The following NDUFS1 variants were observed in gnomAD, a reference collection of about 807,000 sequenced individuals.
NDUFS1 encodes NADH:ubiquinone oxidoreductase core subunit S1.
In NDUFS1, 61 loss-of-function variants were observed where a neutral mutation model predicts 84.4. That is an observed-to-expected ratio of 0.72 (90% CI 0.59 to 0.89). The LOEUF is 0.89. Ranked by LOEUF, NDUFS1 falls within the 40% of genes least tolerant of loss-of-function variation. The pLI, the probability that NDUFS1 is intolerant of heterozygous loss-of-function variation, is 0.00. For missense variants in NDUFS1, 891 were observed against 890.0 expected (o/e 1.00, Z -0.01); for synonymous variants, 275 against 290.0 (o/e 0.95, Z 0.53).
At chr2:206,127,347 C>G (rs1475488687) in intron 16 of NDUFS1, among the ~76,000 whole-genome samples, 1 of 152,118 alleles carries the variant, frequency 6.6e-6, no homozygotes, top group Non-Finnish European at 1.5e-5. Context: ...CCAGCCTGGC[C>G]AACATGGCGA....
intron 11 of NDUFS1, 83 bp from the exon 12 acceptor site, chr2:206,142,152 AC>A: frequency 8.0e-7 from 1 of 1,243,308 alleles, no homozygotes; most frequent in African/African-American, 1.5e-5. Context: ...CTATCATCAA[AC>A]CCATTGCCTT....
intron 8 of NDUFS1, among the ~76,000 whole-genome samples, chr2:206,146,268 T>C (rs1270465170): frequency 1.3e-5 from 2 of 152,160 alleles, no homozygotes; most frequent in Non-Finnish European, 2.9e-5. Context: ...ATTTAAAAAT[T>C]GAAGGGGATG....
In NDUFS1 at chr2:206,119,824, T is replaced by G. The variant is rs1691048579; in HGVS notation, c.*4361A>C. On this transcript the variant is annotated 3_prime_UTR_variant, in exon 19 of 19. Transcript: ENST00000233190. ...ATTTTTGGATATATATTCAACTTTT[T>G]TTTTTAAGAGTTGGGGGTCTTGTTA... 6.6e-6 allele frequency: 1 copy of G among 152,128 alleles called. No homozygotes were observed. The highest frequency in any genetic ancestry group is 2.4e-5 in the African/African-American group (1 of 41,390). The allele number at this position is 152,128 out of a possible 1,614,324, so 9.4% of individuals were successfully genotyped here.
At chr2:206,148,172 G>A (rs762276236) in intron 5 of NDUFS1, among the ~76,000 whole-genome samples, 7 of 151,994 alleles carry the variant, frequency 4.6e-5, no homozygotes, top group African/African-American at 7.2e-5. Flanking sequence ...TGATCCTCCC[G>A]CCCTGGCGTC....
chr2:206,123,879 A>C lies in NDUFS1; in HGVS notation c.*306T>G. 1 of 261,264 alleles carries C rather than the reference A, an allele frequency of 3.8e-6. No individual in the cohort carries two copies. The highest frequency in any genetic ancestry group is 7.4e-5 in the East Asian group (1 of 13,534). The allele number at this position is 261,264 out of a possible 1,614,324, so 16.2% of individuals were successfully genotyped here. A position where few individuals can be genotyped will look rare whatever the true frequency, so the allele number is the denominator to read the frequency against. The stretch of plus-strand genomic sequence containing the variant: ...TTTCATTTCATCCATTTTACAGACA[A>C]ATTATTTATGAAGATAAGCCAACAA... On this transcript the variant is annotated 3_prime_UTR_variant, in exon 19 of 19. Transcript: ENST00000233190.
At position 206,116,412 on chromosome 2, in the gene NDUFS1, G is replaced by A; in HGVS notation, c.*7773C>T. ...GACGGCGCCCATCCCAAGCTGCCAGGGCCTCGATAGGCAGGGCGCGGCAGG... is the reference window on the plus strand; with the variant it reads ...GACGGCGCCCATCCCAAGCTGCCAGAGCCTCGATAGGCAGGGCGCGGCAGG... On this transcript the variant is annotated 3_prime_UTR_variant, in exon 19 of 19. Coordinates refer to ENST00000233190, the MANE Select transcript of NDUFS1 (RefSeq NM_005006.7). The A allele has an allele frequency of 1.2e-6, 1 of 801,886 alleles. No homozygotes were observed. Among genetic ancestry groups the A allele is most frequent in the Non-Finnish European group, 2.1e-6 (1 of 475,320 alleles). The allele number at this position is 801,886 out of a possible 1,614,324, so 49.7% of individuals were successfully genotyped here. A position where few individuals can be genotyped will look rare whatever the true frequency, so the allele number is the denominator to read the frequency against.
At chr2:206,127,629 C>T in intron 16 of NDUFS1, 168 bp downstream of exon 16, 1 of 719,918 alleles carries the variant, frequency 1.4e-6, no homozygotes, top group Non-Finnish European at 2.3e-6. Context: ...TGAGAGCTCA[C>T]TGTAACCTTG....
At chr2:206,152,758 G>A (rs911535673) in intron 2 of NDUFS1, among the ~76,000 whole-genome samples, 2 of 146,602 alleles carry the variant, frequency 1.4e-5, no homozygotes, top group South Asian at 2.1e-4. Context: ...AGGCTGGAGT[G>A]CAGTGGCGCC....
chr2:206,128,329 CTAATTTTTT>C (rs1256753180), intron 15 of NDUFS1, among the ~76,000 whole-genome samples: 3 of 152,122 alleles, frequency 2.0e-5, no homozygotes, highest in Non-Finnish European at 4.4e-5. Flanking sequence ...CCACACTCAG[CTAATTTTTT>C]GTATTTTTAG....
At chr2:206,135,782 G>A (rs1240093306) in intron 13 of NDUFS1, among the ~76,000 whole-genome samples, 1 of 152,106 alleles carries the variant, frequency 6.6e-6, no homozygotes, top group African/African-American at 2.4e-5. Flanking sequence ...ACTTTTCACG[G>A]AATATTTTTT....
rs111318585 is a variant in NDUFS1 at position 206,115,999 on chromosome 2, T to C, written c.*8186A>G. ...AGCAGTGTTAACAGTAGTTTTTTTT[T>C]CCCATGGGTAATGCTAAAAGTTGCT... On this transcript the variant is annotated 3_prime_UTR_variant, in exon 19 of 19. Coordinates refer to ENST00000233190, the MANE Select transcript of NDUFS1 (RefSeq NM_005006.7). The C allele has an allele frequency of 2.0e-4, 150 of 735,092 alleles. No individual in the cohort carries two copies. The highest frequency in any genetic ancestry group is 2.0e-3 in the African/African-American group (113 of 57,926). The allele number at this position is 735,092 out of a possible 1,614,324, so 45.5% of individuals were successfully genotyped here.
In NDUFS1 at chr2:206,149,096, C is replaced by G. The variant is rs1342970029; in HGVS notation, c.262G>C (p.Val88Leu). ...CLVEIEKAPK[V>L]VAACAMPVMK... is the part of the protein sequence containing the mutation. ...ACTGGCATGGCACAAGCAGCTACAACCTGGGATTTCAATGAAAAAAAAAAA... is the reference window on the plus strand; with the variant it reads ...ACTGGCATGGCACAAGCAGCTACAAGCTGGGATTTCAATGAAAAAAAAAAA... Residue 88 changes from valine to leucine, a missense_variant and splice_region_variant, in exon 5 of 19, where the codon GTT becomes CTT. Val to Leu is a conservative substitution (Grantham distance 32, BLOSUM62 1). Transcript: ENST00000233190. The G allele has an allele frequency of 3.1e-6, 5 of 1,610,104 alleles. No homozygotes were observed. The highest frequency in any genetic ancestry group is 3.3e-5 in the Admixed American group (2 of 59,868).
chr2:206,159,205 G>C, intron 1 of NDUFS1, 136 bp downstream of exon 1: 1 of 1,495,902 alleles, frequency 6.7e-7, no homozygotes, highest in South Asian at 1.2e-5. Context: ...AGGGGCTTCC[G>C]AGGCGGCGGG....
intron 12 of NDUFS1, among the ~76,000 whole-genome samples, chr2:206,141,305 G>A (rs1691936916): frequency 6.6e-6 from 1 of 151,938 alleles, no homozygotes; most frequent in African/African-American, 2.4e-5. Flanking sequence ...AGCACTTTGG[G>A]AGGCTGAGGC....
In NDUFS1 at chr2:206,119,533, CTGAG is replaced by C. The variant is rs753906827; in HGVS notation, c.*4648_*4651del. On this transcript the variant is annotated 3_prime_UTR_variant, in exon 19 of 19. Coordinates refer to ENST00000233190, the MANE Select transcript of NDUFS1 (RefSeq NM_005006.7). ...TAAGTGATTCTCCTGCCTCAGCCTC[CTGAG>C]TGAGTAGCTGGGATTACAGGCATAT... 9 of 152,208 alleles carry C rather than the reference CTGAG, an allele frequency of 5.9e-5. No individual in the cohort carries two copies. The highest frequency in any genetic ancestry group is 3.4e-3 in the Middle Eastern group (1 of 294). The allele number at this position is 152,208 out of a possible 1,614,324, so 9.4% of individuals were successfully genotyped here.
rs1021040642 is a variant in NDUFS1, at chr2:206,118,664, T to C, written c.*5521A>G. On this transcript the variant is annotated 3_prime_UTR_variant, in exon 19 of 19. Coordinates refer to ENST00000233190, the MANE Select transcript of NDUFS1 (RefSeq NM_005006.7). ...GACATCTTCATCTTTTTATAAAAGA[T>C]GGCCAGGCTGGGTGCGCTGGCTCAC... 5.3e-5 allele frequency: 8 copies of C among 150,714 alleles called. No individual in the cohort carries two copies. Among genetic ancestry groups the C allele is most frequent in the African/African-American group, 2.0e-4 (8 of 40,936 alleles). 9.3% of individuals were successfully genotyped at this position (150,714 alleles called of 1,614,324 possible).
chr2:206,156,600 A>T (rs1687664971), intron 1 of NDUFS1, among the ~76,000 whole-genome samples: 1 of 152,170 alleles, frequency 6.6e-6, no homozygotes, highest in African/African-American at 2.4e-5. Context: ...AAGGCAAATT[A>T]TGTGATTAGA....
rs2105952601 is a variant in NDUFS1, at chr2:206,132,948, T to C, written c.1550A>G (p.His517Arg). ...ATAAAGCAATTACTCAACAAACCTA[T>C]GAAGGATATTCATAACTTTCCAATC... ...TGDWKVMNIL[H>R]RIASQVAALD... Residue 517 changes from histidine to arginine, a missense_variant, in exon 14 of 19, where the codon CAT (histidine) becomes CGT (arginine). His to Arg is a conservative substitution (Grantham distance 29, BLOSUM62 0). Transcript: ENST00000233190. 1 of 1,613,206 alleles carries C rather than the reference T, an allele frequency of 6.2e-7. No homozygotes were observed. The highest frequency in any genetic ancestry group is 1.7e-5 in the Admixed American group (1 of 59,986).
chr2:206,141,997 C>A lies in NDUFS1; in HGVS notation c.1206G>T (p.Leu402=). 1 of 1,609,998 alleles carries A rather than the reference C, an allele frequency of 6.2e-7. No individual in the cohort carries two copies. Among genetic ancestry groups the A allele is most frequent in the South Asian group, 1.1e-5 (1 of 91,016 alleles). Residue 402 remains leucine, a synonymous_variant, in exon 12 of 19, where the codon CTG becomes CTT. Transcript: ENST00000233190. ...CCTCAAAACGTGGGTTTGTACCAAC[C>A]AGAAGAACAACATCTGCCTCTTCCA... ...AGVEEADVVL[L]VGTNPRFEAP... is the part of the protein sequence containing the mutation.
Sources: gnomAD v4.1 joint callset for allele counts (sites outside exome capture counted in the v4.1 genomes callset) on GRCh38, gnomAD v4.1.1 for gene constraint, MANE v1.5 for transcripts, NCBI Gene and HGNC (gene_info 2026-07-23, HGNC 2026-07-21) for gene names.